CACNA2D2: variants seen among roughly 807,000 people sequenced by gnomAD.
CACNA2D2 encodes the protein calcium voltage-gated channel auxiliary subunit alpha2delta 2.
In CACNA2D2, 48 loss-of-function variants were observed where a neutral mutation model predicts 166.4. The ratio of observed to expected loss-of-function variants is 0.29; its 90% CI spans 0.23 to 0.37. The LOEUF is 0.37. Ranked by LOEUF, CACNA2D2 falls within the 10% of genes least tolerant of loss-of-function variation. The probability of loss-of-function intolerance (pLI) is 1.00; values close to 1 mark genes in which losing one functional copy is unlikely to be tolerated. For missense variants in CACNA2D2, 1,122 were observed against 1,433.0 expected (o/e 0.78, Z 3.50); for synonymous variants, 561 against 573.7 (o/e 0.98, Z 0.32).
intron 2 of CACNA2D2, among the ~76,000 whole-genome samples, chr3:50,469,166 C>T (rs1709958739): frequency 1.3e-5 from 2 of 152,108 alleles, no homozygotes; most frequent in South Asian, 4.1e-4. Flanking sequence ...GCCTGAAAGA[C>T]AAGGTGTCAA....
chr3:50,417,020 CAG>C (rs1453474385), intron 3 of CACNA2D2, among the ~76,000 whole-genome samples: 1 of 152,176 alleles, frequency 6.6e-6, no homozygotes, highest in African/African-American at 2.4e-5. Context: ...TGGTTGCAGA[CAG>C]GGGAAGAACA....
At chr3:50,368,266 C>A (rs776128096) in intron 23 of CACNA2D2, 31 bp from the exon 24 acceptor site, 14 of 1,397,070 alleles carry the variant, frequency 1.0e-5, no homozygotes, top group Non-Finnish European at 1.1e-5. Flanking sequence ...GAAGAGTGGG[C>A]TTGGGGGGCT....
chr3:50,438,218 T>TC (rs1001064047), intron 2 of CACNA2D2, among the ~76,000 whole-genome samples: 26 of 152,036 alleles, frequency 1.7e-4, no homozygotes, highest in African/African-American at 2.7e-4. Context: ...AATTCCTGGT[T>TC]CCCCCCCTTG....
intron 2 of CACNA2D2, among the ~76,000 whole-genome samples, chr3:50,474,658 T>C (rs1482075481): frequency 6.6e-6 from 1 of 152,192 alleles, no homozygotes; most frequent in Non-Finnish European, 1.5e-5. Context: ...ACTCCTGATA[T>C]GTGGTATAGC....
chr3:50,490,554 G>C (rs962682463), intron 1 of CACNA2D2, among the ~76,000 whole-genome samples: 2 of 152,172 alleles, frequency 1.3e-5, no homozygotes, highest in Non-Finnish European at 2.9e-5. Flanking sequence ...CCTTGCAAAA[G>C]CCACAGGAAG....
intron 6 of CACNA2D2, among the ~76,000 whole-genome samples, chr3:50,383,059 A>G (rs1452012953): frequency 6.6e-6 from 1 of 152,214 alleles, no homozygotes; most frequent in Admixed American, 6.5e-5. Context: ...TACAGATTTA[A>G]TTAAAAGTGA....
chr3:50,490,854 G>T (rs528442004), intron 1 of CACNA2D2, among the ~76,000 whole-genome samples: 2 of 152,340 alleles, frequency 1.3e-5, no homozygotes, highest in Admixed American at 6.5e-5. Context: ...GAGGACAGGG[G>T]CTTGAAGCAG....
intron 22 of CACNA2D2, 88 bp downstream of exon 22, chr3:50,374,649 C>T (rs1704872589): frequency 6.8e-7 from 1 of 1,464,678 alleles, no homozygotes; most frequent in South Asian, 1.2e-5. Flanking sequence ...GCCTCGCCGG[C>T]AAGCGGCGCT....
intron 22 of CACNA2D2, 32 bp downstream of exon 22, chr3:50,374,705 T>C (rs1414804484): frequency 1.3e-6 from 2 of 1,568,462 alleles, no homozygotes; most frequent in South Asian, 2.3e-5. Context: ...AGAGGCAGGG[T>C]GCAGGGCGCA....
At position 50,366,291 on chromosome 3, in the gene CACNA2D2, T is replaced by A. The variant is rs1704278852; in HGVS notation, c.2685A>T (p.Ser895=). ...CCTGGTCCCACTGATGGTTCTGGTT[T>A]GACAGCACCAGGAATCCTCCATCAT... ...LIDDGGFLVL[S]NQNHQWDQVG... is the part of the protein sequence containing the mutation. Residue 895 remains serine (S), a synonymous_variant, in exon 31 of 38, where the codon TCA becomes TCT. Transcript: ENST00000424201. The surrounding 1 kb of genome is among the most constrained non-coding windows in gnomAD (Gnocchi z 5.9). 6.2e-7 allele frequency: 1 copy of A among 1,614,010 alleles called. No individual in the cohort carries two copies. The highest frequency in any genetic ancestry group is 1.3e-5 in the African/African-American group (1 of 74,932).
intron 1 of CACNA2D2, among the ~76,000 whole-genome samples, chr3:50,494,555 G>A (rs1355821840): frequency 6.6e-6 from 1 of 152,178 alleles, no homozygotes; most frequent in African/African-American, 2.4e-5. Context: ...GGACATCAGA[G>A]TTTGCCCCAC....
chr3:50,424,952 T>G (rs962479387), intron 3 of CACNA2D2, among the ~76,000 whole-genome samples: 1 of 152,070 alleles, frequency 6.6e-6, no homozygotes, highest in Non-Finnish European at 1.5e-5. Flanking sequence ...GGCACTGGCC[T>G]TCCCCAGCAG....
chr3:50,391,060 G>A lies in CACNA2D2; in HGVS notation c.465+3049C>T, dbSNP rs955454293. On this transcript the variant is annotated intron_variant, in intron 4 of 37. Transcript: ENST00000424201. The stretch of plus-strand genomic sequence containing the variant: ...GCTGGCTTGGCAGAGGCAGGCAGGG[G>A]CCCTATGGCTGGGTCAGACCCTCAG... Among the ~76,000 whole-genome samples, 3 of 152,248 alleles carry A rather than the reference G, an allele frequency of 2.0e-5. No individual in the cohort carries two copies. The East Asian group carries it at 5.8e-4, about 29-fold the overall frequency.
At chr3:50,464,538 TG>T (rs1709741138) in intron 2 of CACNA2D2, among the ~76,000 whole-genome samples, 1 of 151,948 alleles carries the variant, frequency 6.6e-6, no homozygotes, top group African/African-American at 2.4e-5. Flanking sequence ...CTGTCTGCTG[TG>T]GGGGTGAAGC....
At chr3:50,459,650 AAGCTTCG>A (rs1204619775) in intron 2 of CACNA2D2, among the ~76,000 whole-genome samples, 2 of 152,120 alleles carry the variant, frequency 1.3e-5, no homozygotes, top group Non-Finnish European at 2.9e-5. Flanking sequence ...GAACTCAGAA[AAGCTTCG>A]AGCCCCTCAG....
intron 3 of CACNA2D2, among the ~76,000 whole-genome samples, chr3:50,430,086 G>A (rs910363616): frequency 4.6e-5 from 7 of 152,178 alleles, no homozygotes; most frequent in African/African-American, 1.4e-4. Flanking sequence ...GATTCCTAGC[G>A]GGGCCTCCCA....
At chr3:50,404,378 G>C (rs982372660) in intron 3 of CACNA2D2, among the ~76,000 whole-genome samples, 1 of 152,168 alleles carries the variant, frequency 6.6e-6, no homozygotes, top group African/African-American at 2.4e-5. Flanking sequence ...CCCAGCTGCT[G>C]CCAGGTCAGT....
intron 3 of CACNA2D2, among the ~76,000 whole-genome samples, chr3:50,395,046 A>G (rs1706079604): frequency 6.6e-6 from 1 of 152,104 alleles, no homozygotes. Flanking sequence ...CTTTCTAAGG[A>G]TCCCTTCTCT....
Position 50,364,622 on chromosome 3 carries a change from G to A in CACNA2D2, c.*44C>T, listed in dbSNP as rs760852595. 3 of 1,465,856 alleles carry A rather than the reference G, an allele frequency of 2.0e-6. No homozygotes were observed. The highest frequency in any genetic ancestry group is 2.7e-6 in the Non-Finnish European group (3 of 1,109,630). The allele number at this position is 1,465,856 out of a possible 1,614,324, so 90.8% of individuals were successfully genotyped here. ...GGGGCAGGAGGGTGGGAAAGGCGAA[G>A]AGGCCGGGTGAGGTGGGAGTGGAGG... On this transcript the variant is annotated 3_prime_UTR_variant, in exon 38 of 38. Coordinates refer to ENST00000424201, the MANE Select transcript of CACNA2D2 (RefSeq NM_006030.4).
Sources: gnomAD v4.1 joint callset for allele counts (sites outside exome capture counted in the v4.1 genomes callset) on GRCh38, gnomAD v4.1.1 for gene constraint, Gnocchi (gnomAD v3.1) non-coding constraint, MANE v1.5 for transcripts, NCBI Gene and HGNC (gene_info 2026-07-23, HGNC 2026-07-21) for gene names.